SYNDIG1: variants seen among roughly 807,000 people sequenced by gnomAD.
SYNDIG1 encodes the protein synapse differentiation-inducing gene protein 1.
SYNDIG1 carries 9 observed loss-of-function variants against 19.4 expected under a neutral mutation model. The observed-to-expected ratio is 0.46, with a 90% CI of 0.28 to 0.81. The LOEUF is 0.81. SYNDIG1 is among the 30% of genes least tolerant of loss of function. The pLI, the probability that SYNDIG1 is intolerant of heterozygous loss-of-function variation, is 0.12. For missense variants in SYNDIG1, 311 were observed against 343.3 expected (o/e 0.91, Z 0.74); for synonymous variants, 141 against 145.9 (o/e 0.97, Z 0.24).
intron 2 of SYNDIG1, among the ~76,000 whole-genome samples, chr20:24,557,915 G>A (rs1001326279): frequency 1.3e-5 from 2 of 152,220 alleles, no homozygotes; most frequent in African/African-American, 4.8e-5. Flanking sequence ...GTTCCTATTC[G>A]GCCATCTTGG....
chr20:24,587,791 C>T (rs1422119405), intron 3 of SYNDIG1, among the ~76,000 whole-genome samples: 2 of 152,216 alleles, frequency 1.3e-5, no homozygotes, highest in Non-Finnish European at 2.9e-5. Context: ...CTGAGGCTCT[C>T]CAGGCCCTCA....
rs138037383 is a variant in SYNDIG1, at chr20:24,500,474, TTTTCTTTCTTTCTTTCTTTCTTTCTTTC to T, written c.-79+30752_-79+30779del. On this transcript the variant is annotated intron_variant, in intron 1 of 3. Coordinates refer to ENST00000376862, the MANE Select transcript of SYNDIG1 (RefSeq NM_024893.3). ...CTAGTTGGAAAACAAAAGCAGATTC[TTTTCTTTCTTTCTTTCTTTCTTTCTTTC>T]TTTCTTTCTTTCTTTCTTTCTTTCT... 8.5e-4 allele frequency among the ~76,000 whole-genome samples: 116 copies of T among 136,372 alleles called. 2 individuals are homozygous for T. The highest frequency in any genetic ancestry group is 2.9e-3 in the African/African-American group (102 of 35,238). 89.5% of individuals were successfully genotyped at this position (136,372 alleles called of 152,430 possible). A position where few individuals can be genotyped will look rare whatever the true frequency, so the allele number is the denominator to read the frequency against.
intron 3 of SYNDIG1, among the ~76,000 whole-genome samples, chr20:24,662,716 C>T (rs902147095): frequency 6.6e-6 from 1 of 152,402 alleles, no homozygotes; most frequent in Admixed American, 6.5e-5. Context: ...CAGTCACCTG[C>T]ACTTTCTAAC....
chr20:24,485,873 A>T (rs1189935203), intron 1 of SYNDIG1, among the ~76,000 whole-genome samples: 1 of 152,158 alleles, frequency 6.6e-6, no homozygotes, highest in Non-Finnish European at 1.5e-5. Flanking sequence ...ACTGCCCCCG[A>T]TATCACATCT....
intron 2 of SYNDIG1, among the ~76,000 whole-genome samples, chr20:24,574,961 T>C (rs1184787035): frequency 1.3e-5 from 2 of 152,182 alleles, no homozygotes; most frequent in Admixed American, 6.5e-5. Flanking sequence ...CAGAGACAGT[T>C]CTCTTTTGAC....
In SYNDIG1 at chr20:24,504,003, A is replaced by G. The variant is rs1054604061; in HGVS notation, c.-79+34250A>G. Among the ~76,000 whole-genome samples, 9 of 122,406 alleles carry G rather than the reference A, an allele frequency of 7.4e-5. No individual in the cohort carries two copies. In the Middle Eastern group the frequency reaches 0.017, roughly 237 times the overall value. The allele number at this position is 122,406 out of a possible 152,430, so 80.3% of individuals were successfully genotyped here. A position where few individuals can be genotyped will look rare whatever the true frequency, so the allele number is the denominator to read the frequency against. ...GAGACGGAGTCTCACACTTTCGCCC[A>G]GGCTGTAGTACAGTGGCATGATCTT... On this transcript the variant is annotated intron_variant, in intron 1 of 3. Transcript: ENST00000376862.
At chr20:24,637,206 C>T (rs1184678027) in intron 3 of SYNDIG1, among the ~76,000 whole-genome samples, 1 of 152,230 alleles carries the variant, frequency 6.6e-6, no homozygotes, top group Non-Finnish European at 1.5e-5. Flanking sequence ...GAACTACATG[C>T]AGCATAGATG....
chr20:24,530,134 G>A (rs1022277445), intron 1 of SYNDIG1, among the ~76,000 whole-genome samples: 1 of 107,872 alleles, frequency 9.3e-6, no homozygotes, highest in African/African-American at 3.4e-5. Context: ...ATGAAGTGGA[G>A]ACTTACAAAG....
chr20:24,471,999 TA>T (rs1193292447), intron 1 of SYNDIG1, among the ~76,000 whole-genome samples: 2 of 152,112 alleles, frequency 1.3e-5, no homozygotes, highest in African/African-American at 2.4e-5. Context: ...TTCAAAAAAA[TA>T]AAAAAACCAT....
At chr20:24,550,485 T>C (rs1294281495) in intron 2 of SYNDIG1, among the ~76,000 whole-genome samples, 3 of 151,746 alleles carry the variant, frequency 2.0e-5, no homozygotes, top group African/African-American at 4.9e-5. Context: ...TTTCATCCTT[T>C]AATCATGTGG....
At chr20:24,654,978 G>T (rs1351651843) in intron 3 of SYNDIG1, among the ~76,000 whole-genome samples, 1 of 152,190 alleles carries the variant, frequency 6.6e-6, no homozygotes, top group African/African-American at 2.4e-5. Flanking sequence ...TTGCAGGCAC[G>T]CAGAGTCTGC....
At chr20:24,606,343 T>C (rs78864205) in intron 3 of SYNDIG1, among the ~76,000 whole-genome samples, 4,596 of 152,292 alleles carry the variant, frequency 0.03, 147 homozygotes, top group African/African-American at 0.082. Flanking sequence ...CTGACCCCTA[T>C]TGCCATGAGC....
intron 1 of SYNDIG1, among the ~76,000 whole-genome samples, chr20:24,518,245 G>C (rs1485620903): frequency 6.6e-6 from 1 of 152,072 alleles, no homozygotes; most frequent in African/African-American, 2.4e-5. Flanking sequence ...TCAAGGATGG[G>C]GGCCTGTGCT....
chr20:24,519,140 T>TAAAAA (rs2056950719), intron 1 of SYNDIG1, among the ~76,000 whole-genome samples: 1 of 152,208 alleles, frequency 6.6e-6, no homozygotes, highest in Non-Finnish European at 1.5e-5. Context: ...TGATATTTTT[T>TAAAAA]ATGTTTCCCA....
At chr20:24,609,332 A>T (rs1045327601) in intron 3 of SYNDIG1, among the ~76,000 whole-genome samples, 2 of 152,178 alleles carry the variant, frequency 1.3e-5, no homozygotes, top group African/African-American at 4.8e-5. Context: ...CGGATGTGGG[A>T]TGCTCTTTGC....
intron 3 of SYNDIG1, 55 bp downstream of exon 3, chr20:24,585,048 TGGGGGCG>T: frequency 1.3e-5 from 5 of 395,182 alleles, no homozygotes; most frequent in Non-Finnish European, 2.1e-5. Context: ...AGGGTGGGGG[TGGGGGCG>T]GCAATCCCAG....
intron 3 of SYNDIG1, among the ~76,000 whole-genome samples, chr20:24,651,420 TA>T (rs2059473139): frequency 6.6e-6 from 1 of 152,146 alleles, no homozygotes; most frequent in Admixed American, 6.5e-5. Flanking sequence ...CCAAATTTCC[TA>T]AAGTTGAAGT....
At chr20:24,569,590 G>C (rs1428217687) in intron 2 of SYNDIG1, among the ~76,000 whole-genome samples, 1 of 152,106 alleles carries the variant, frequency 6.6e-6, no homozygotes, top group African/African-American at 2.4e-5. Context: ...CTATTATACT[G>C]ACTAACCTGT....
Position 24,543,200 on chromosome 20 carries a change from A to G in SYNDIG1, c.103A>G (p.Ser35Gly). 6.2e-7 allele frequency: 1 copy of G among 1,614,040 alleles called. No homozygotes were observed. Among genetic ancestry groups the G allele is most frequent in the Non-Finnish European group, 8.5e-7 (1 of 1,180,010 alleles). ...LINTRNLMAE[S>G]RDGLVSVYPA... ...TAACACCAGAAACTTGATGGCCGAG[A>G]GCAGAGATGGTCTGGTGTCTGTTTA... is the stretch of plus-strand genomic sequence containing the variant. The change falls in exon 2 of 4, where the codon AGC becomes GGC. Residue 35 changes from serine (S) to glycine (G), a missense_variant. Physicochemically the swap from Ser to Gly is moderately conservative, Grantham distance 56 (BLOSUM62 0). Coordinates refer to ENST00000376862, the MANE Select transcript of SYNDIG1 (RefSeq NM_024893.3).
Sources: gnomAD v4.1 joint callset for allele counts (sites outside exome capture counted in the v4.1 genomes callset) on GRCh38, gnomAD v4.1.1 for gene constraint, MANE v1.5 for transcripts, NCBI Gene and HGNC (gene_info 2026-07-23, HGNC 2026-07-21) for gene names.